Variants in ZNF503 observed in about 807,000 individuals in gnomAD.
ZNF503 encodes NocA-like zinc finger 2.
In ZNF503, 15 loss-of-function variants were observed where a neutral mutation model predicts 34.4. That is an observed-to-expected ratio of 0.44 (90% CI 0.29 to 0.67). The LOEUF (loss-of-function observed/expected upper bound fraction) is 0.67, where lower values mean the gene tolerates loss of function less well. Among genes scored for constraint, ZNF503 ranks in the 30% least tolerant of loss-of-function variants. The pLI is 0.13. For synonymous variants in ZNF503, 580 were observed against 456.8 expected, an observed-to-expected ratio of 1.27 and a Z score of -3.44; for missense variants, 1,007 against 926.8, an observed-to-expected ratio of 1.09 and a Z score of -1.12.
At chr10:75,297,551 G>T in the ZNF503 span, among the ~76,000 whole-genome samples, 14 of 152,148 alleles carry the variant, frequency 9.2e-5, no homozygotes, top group Non-Finnish European at 1.6e-4. Flanking sequence ...ACAGAAACTT[G>T]CTCAGGCTAG....
the ZNF503 span, among the ~76,000 whole-genome samples, chr10:75,334,649 A>G: frequency 6.6e-6 from 1 of 152,234 alleles, no homozygotes; most frequent in African/African-American, 2.4e-5. Flanking sequence ...TATATATTCT[A>G]GAAATAAGGT....
the ZNF503 span, among the ~76,000 whole-genome samples, chr10:75,282,695 G>A: frequency 6.6e-6 from 1 of 152,078 alleles, no homozygotes; most frequent in East Asian, 1.9e-4. Context: ...AGACATAAGG[G>A]GCTCTCAAGA....
the ZNF503 span, among the ~76,000 whole-genome samples, chr10:75,369,211 G>A: frequency 6.6e-6 from 1 of 152,206 alleles, no homozygotes; most frequent in African/African-American, 2.4e-5. Flanking sequence ...ATTGGTAAGT[G>A]TTTAACTTTG....
Position 75,399,993 on chromosome 10 carries a change from C to T in ZNF503, c.697G>A (p.Ala233Thr). Reference sequence around the variant, plus strand: ...ATACCTCCCGGCGAGCAGGCCGAGGCGCTGGAGCTCGGGCTGCCTGTCCTG... The same window carrying T: ...ATACCTCCCGGCGAGCAGGCCGAGGTGCTGGAGCTCGGGCTGCCTGTCCTG... The part of the protein sequence containing the change: ...TPRTGSPSSS[A>T]SACSPGGMLS... The change falls in exon 2 of 2, where the codon GCC becomes ACC. Residue 233 changes from alanine to threonine, a missense_variant. Physicochemically the swap from Ala to Thr is moderately conservative, Grantham distance 58 (BLOSUM62 0). Transcript: ENST00000372524. The T allele has an allele frequency of 6.2e-7, 1 of 1,605,312 alleles. No individual in the cohort carries two copies. Among genetic ancestry groups the T allele is most frequent in the Non-Finnish European group, 8.5e-7 (1 of 1,179,186 alleles).
the ZNF503 span, among the ~76,000 whole-genome samples, chr10:75,363,081 TACACACAC>T: frequency 6.7e-6 from 1 of 148,660 alleles, no homozygotes; most frequent in Non-Finnish European, 1.5e-5. Context: ...CATGCATGCA[TACACACAC>T]ACACACACAC....
At chr10:75,391,772 C>T in the ZNF503 span, among the ~76,000 whole-genome samples, 2 of 152,100 alleles carry the variant, frequency 1.3e-5, no homozygotes, top group Non-Finnish European at 2.9e-5. Context: ...TCCTCTCTCC[C>T]TCCCTCTCTT....
the ZNF503 span, among the ~76,000 whole-genome samples, chr10:75,309,025 G>T: frequency 6.6e-6 from 1 of 151,992 alleles, no homozygotes; most frequent in Non-Finnish European, 1.5e-5. Flanking sequence ...TGCATTTTTG[G>T]TAGAGATGCT....
At chr10:75,294,524 A>G in the ZNF503 span, among the ~76,000 whole-genome samples, 4 of 152,134 alleles carry the variant, frequency 2.6e-5, no homozygotes, top group African/African-American at 7.2e-5. Flanking sequence ...TTAACGCTGA[A>G]TTTCAAAGAC....
At chr10:75,383,145 TTG>T in the ZNF503 span, among the ~76,000 whole-genome samples, 1 of 152,304 alleles carries the variant, frequency 6.6e-6, no homozygotes, top group Admixed American at 6.5e-5. Context: ...ATGGTCCTCA[TTG>T]TGTAACCTGG....
chr10:75,396,596 CGGCCGTG>C (rs1168461501), downstream of ZNF503, among the ~76,000 whole-genome samples: 3 of 152,192 alleles, frequency 2.0e-5, no homozygotes, highest in Non-Finnish European at 4.4e-5. The surrounding 1 kb of genome is among the most constrained non-coding windows in gnomAD (Gnocchi z 4.4). Flanking sequence ...TGACTTCGCG[CGGCCGTG>C]AGTCCCCAGA....
chr10:75,351,507 G>A, the ZNF503 span, among the ~76,000 whole-genome samples: 1 of 152,122 alleles, frequency 6.6e-6, no homozygotes, highest in Non-Finnish European at 1.5e-5. Flanking sequence ...CTGAATTTAT[G>A]CACATGGTCC....
the ZNF503 span, among the ~76,000 whole-genome samples, chr10:75,326,627 CT>C: frequency 1.3e-5 from 2 of 151,010 alleles, no homozygotes. Context: ...TTTTGTTTGA[CT>C]TTTAAAATGT....
chr10:75,348,414 T>C, the ZNF503 span, among the ~76,000 whole-genome samples: 2 of 151,246 alleles, frequency 1.3e-5, no homozygotes, highest in South Asian at 4.2e-4. Flanking sequence ...ACCAGGCTGG[T>C]CTTGATCTTC....
the ZNF503 span, among the ~76,000 whole-genome samples, chr10:75,350,883 T>C: frequency 6.6e-6 from 1 of 152,288 alleles, no homozygotes; most frequent in Non-Finnish European, 1.5e-5. Flanking sequence ...ATAAATAATA[T>C]CACACGTAAG....
the ZNF503 span, among the ~76,000 whole-genome samples, chr10:75,298,144 C>A: frequency 1.3e-5 from 2 of 152,176 alleles, no homozygotes; most frequent in East Asian, 3.8e-4. Flanking sequence ...CAGCCCCAGA[C>A]TACCAGGTTT....
chr10:75,346,693 C>T, the ZNF503 span, among the ~76,000 whole-genome samples: 2 of 152,140 alleles, frequency 1.3e-5, no homozygotes, highest in African/African-American at 4.8e-5. Flanking sequence ...CTGCCCGCCT[C>T]GGCCTCCCAA....
At chr10:75,396,653 TCGGAGAAA>T (rs1843701077), downstream of ZNF503, among the ~76,000 whole-genome samples, 1 of 152,002 alleles carries the variant, frequency 6.6e-6, no homozygotes, top group Non-Finnish European at 1.5e-5. This position sits in a 1 kb window ranked among gnomAD's most constrained non-coding sequence, Gnocchi z 4.4. Context: ...ATCCCGAGAC[TCGGAGAAA>T]CCGGAAGAGC....
At chr10:75,320,973 A>T in the ZNF503 span, among the ~76,000 whole-genome samples, 1 of 152,168 alleles carries the variant, frequency 6.6e-6, no homozygotes, top group African/African-American at 2.4e-5. Context: ...GTCATGTCAA[A>T]TTGTAACCCC....
At chr10:75,294,784 A>G in the ZNF503 span, among the ~76,000 whole-genome samples, 22 of 151,674 alleles carry the variant, frequency 1.5e-4, no homozygotes, top group African/African-American at 5.3e-4. Flanking sequence ...CCCGGAGAGG[A>G]AGAGGGGGAG....
Sources: allele counts gnomAD v4.1 joint callset (sites outside exome capture counted in the v4.1 genomes callset), GRCh38; gene constraint gnomAD v4.1.1; non-coding constraint Gnocchi (gnomAD v3.1); transcripts MANE v1.5; gene names NCBI Gene and HGNC (gene_info 2026-07-23, HGNC 2026-07-21).